TTC28: variants seen among roughly 807,000 people sequenced by gnomAD.
TTC28 encodes the protein tetratricopeptide repeat protein 28.
In TTC28, 61 loss-of-function variants were observed where a neutral mutation model predicts 198.0. The observed-to-expected ratio is 0.31, with a 90% CI of 0.25 to 0.38. The LOEUF (loss-of-function observed/expected upper bound fraction) is 0.38. Ranked by LOEUF, TTC28 falls within the 10% of genes least tolerant of loss-of-function variation. The pLI is 1.00. For synonymous variants in TTC28, 1,171 were observed against 1,297.8 expected (o/e 0.90, Z 2.10); for missense variants, 2,678 against 3,164.0 (o/e 0.85, Z 3.69).
At chr22:28,081,388 GC>G (rs1384795508) in intron 12 of TTC28, among the ~76,000 whole-genome samples, 1 of 151,788 alleles carries the variant, frequency 6.6e-6, no homozygotes, top group Non-Finnish European at 1.5e-5. Flanking sequence ...GATACCTCCA[GC>G]TTTTTTTGTT....
intron 12 of TTC28, chr22:28,056,173 T>C (rs1341799888): frequency 6.6e-6 from 1 of 152,186 alleles, no homozygotes; most frequent in East Asian, 1.9e-4. Flanking sequence ...TCTCGCTATG[T>C]TGCCATGGCT....
At chr22:28,525,346 T>G (rs1335425166) in intron 2 of TTC28, among the ~76,000 whole-genome samples, 2 of 152,058 alleles carry the variant, frequency 1.3e-5, no homozygotes, top group Non-Finnish European at 1.5e-5. Context: ...TGGAGACAGG[T>G]TTTCACCATG....
intron 2 of TTC28, among the ~76,000 whole-genome samples, chr22:28,336,377 C>G (rs180695702): frequency 7.4e-4 from 113 of 152,294 alleles, no homozygotes; most frequent in African/African-American, 2.7e-3. Flanking sequence ...AGGATTCCCT[C>G]TTTTTCTATT....
intron 3 of TTC28, among the ~76,000 whole-genome samples, chr22:28,304,112 C>G (rs1169160102): frequency 6.6e-6 from 1 of 152,008 alleles, no homozygotes; most frequent in Non-Finnish European, 1.5e-5. Flanking sequence ...GATGAAACCC[C>G]GTCTCTACTA....
At chr22:28,536,198 C>CAAAAAAAAA (rs59506221) in intron 2 of TTC28, among the ~76,000 whole-genome samples, 1 of 64,402 alleles carries the variant, frequency 1.6e-5, no homozygotes, top group African/African-American at 5.8e-5. Context: ...GACACCGTCT[C>CAAAAAAAAA]AAAAAAAAAA....
intron 2 of TTC28, among the ~76,000 whole-genome samples, chr22:28,609,584 T>C (rs566715334): frequency 6.6e-6 from 1 of 152,306 alleles, no homozygotes; most frequent in African/African-American, 2.4e-5. Flanking sequence ...ACCCACAGAC[T>C]GGGAGATTCC....
At chr22:28,214,041 G>A (rs134168) in intron 5 of TTC28, among the ~76,000 whole-genome samples, 114,998 of 151,840 alleles carry the variant, frequency 0.76, 43,743 homozygotes, top group South Asian at 0.85. Flanking sequence ...AGGATTCCCT[G>A]TTTAATAAAT....
intron 2 of TTC28, among the ~76,000 whole-genome samples, chr22:28,472,168 C>T (rs1439734659): frequency 6.6e-6 from 1 of 152,154 alleles, no homozygotes; most frequent in African/African-American, 2.4e-5. Flanking sequence ...TAATTTACAT[C>T]AAACATTATA....
rs556207118 is a variant in TTC28, at chr22:28,053,156, C to G, written c.3933-22790G>C. ...TAAAGAAATGCAAAGAACGAAATGG[C>G]TTCTGCCTTGTCAGCCTTGAAAACC... On this transcript the variant is annotated intron_variant, in intron 12 of 22. Transcript: ENST00000397906. Among the ~76,000 whole-genome samples the G allele has an allele frequency of 5.9e-5, 9 of 152,372 alleles. No individual in the cohort carries two copies. The South Asian group carries it at 1.9e-3, about 32-fold the overall frequency.
chr22:28,452,217 A>T (rs57871917), intron 2 of TTC28, among the ~76,000 whole-genome samples: 3 of 151,774 alleles, frequency 2.0e-5, no homozygotes, highest in Non-Finnish European at 2.9e-5. Context: ...GTGAAACCCC[A>T]TCTCTACTAA....
chr22:28,083,597 C>T (rs1005649397), intron 12 of TTC28, among the ~76,000 whole-genome samples: 24 of 152,312 alleles, frequency 1.6e-4, no homozygotes, highest in East Asian at 3.9e-4. Context: ...ATGCAGAAGA[C>T]GGGTGATTTT....
At chr22:28,251,025 A>G (rs971768374) in intron 5 of TTC28, among the ~76,000 whole-genome samples, 1 of 152,236 alleles carries the variant, frequency 6.6e-6, no homozygotes, top group African/African-American at 2.4e-5. Context: ...TATGCCCTTA[A>G]TAAGAAATTG....
chr22:28,130,134 G>A (rs1457500705), intron 6 of TTC28, among the ~76,000 whole-genome samples: 1 of 152,082 alleles, frequency 6.6e-6, no homozygotes, highest in Non-Finnish European at 1.5e-5. Context: ...TATCCTATAT[G>A]GAAAATTCAA....
chr22:28,514,021 C>G (rs1330000092), intron 2 of TTC28, among the ~76,000 whole-genome samples: 1 of 152,048 alleles, frequency 6.6e-6, no homozygotes, highest in East Asian at 1.9e-4. Context: ...AGCATCTATT[C>G]AAGCTTAAGA....
At chr22:28,637,243 C>A (rs1457001742) in intron 1 of TTC28, among the ~76,000 whole-genome samples, 2 of 152,028 alleles carry the variant, frequency 1.3e-5, no homozygotes, top group Admixed American at 6.6e-5. Flanking sequence ...ATCTCCCGAC[C>A]CCAGGTGATC....
intron 2 of TTC28, among the ~76,000 whole-genome samples, chr22:28,531,417 T>C (rs574723755): frequency 3.0e-4 from 45 of 152,144 alleles, no homozygotes; most frequent in Non-Finnish European, 4.9e-4. Context: ...AGCAAGTCCT[T>C]AGAGACCTAC....
intron 2 of TTC28, among the ~76,000 whole-genome samples, chr22:28,580,643 A>C (rs2050221438): frequency 6.6e-6 from 1 of 152,236 alleles, no homozygotes; most frequent in South Asian, 2.1e-4. Flanking sequence ...GTAAGATACT[A>C]AACACTATGC....
intron 12 of TTC28, among the ~76,000 whole-genome samples, chr22:28,079,344 T>C (rs1354995257): frequency 6.6e-6 from 1 of 152,234 alleles, no homozygotes; most frequent in East Asian, 1.9e-4. Flanking sequence ...TATGTATTTT[T>C]AAAATACTTT....
chr22:28,144,862 A>C (rs1011579925), intron 6 of TTC28, among the ~76,000 whole-genome samples: 2 of 152,242 alleles, frequency 1.3e-5, no homozygotes, highest in African/African-American at 4.8e-5. Context: ...GGCACAAAGC[A>C]CTGCAAGGTG....
Sources: allele counts gnomAD v4.1 joint callset (sites outside exome capture counted in the v4.1 genomes callset), GRCh38; gene constraint gnomAD v4.1.1; transcripts MANE v1.5; gene names NCBI Gene and HGNC (gene_info 2026-07-23, HGNC 2026-07-21).